Variants in AATF observed in about 807,000 individuals in gnomAD.
The protein encoded by AATF is protein AATF.
A neutral mutation model predicts 63.7 loss-of-function variants in AATF; 48 were observed. That is an observed-to-expected ratio of 0.75 (90% confidence interval 0.60 to 0.96). AATF has a LOEUF of 0.96. Ranked by LOEUF, AATF falls within the 40% of genes least tolerant of loss-of-function variation. The pLI, the probability that AATF is intolerant of heterozygous loss-of-function variation, is 0.00. For synonymous variants in AATF, 258 were observed against 247.7 expected (o/e 1.04, Z -0.39); for missense variants, 639 against 685.7 (o/e 0.93, Z 0.76).
chr17:36,953,103 T>G lies in AATF; in HGVS notation c.501T>G (p.Leu167=), dbSNP rs1567962584. ...AATTTACCAAGGGAATGGATGACCT[T>G]GGGAGCAGTGAGGAGGAGGAAGACG... is the stretch of plus-strand genomic sequence containing the variant. ...FEKFTKGMDD[L]GSSEEEEDEE... Residue 167 remains leucine, a synonymous_variant, in exon 3 of 12, where the codon CTT becomes CTG. Coordinates refer to ENST00000619387, the MANE Select transcript of AATF (RefSeq NM_012138.4). The G allele has an allele frequency of 6.2e-7, 1 of 1,614,020 alleles. No homozygotes were observed. The highest frequency in any genetic ancestry group is 1.1e-5 in the South Asian group (1 of 91,058).
chr17:36,953,702 C>A (rs2070875466), intron 3 of AATF, 68 bp from the exon 4 acceptor site: 2 of 1,511,554 alleles, frequency 1.3e-6, no homozygotes, highest in Non-Finnish European at 1.8e-6. Context: ...TGTTCTTCCC[C>A]ACCCCTGCCA....
At chr17:37,011,174 C>T (rs548571488) in intron 8 of AATF, among the ~76,000 whole-genome samples, 2 of 152,214 alleles carry the variant, frequency 1.3e-5, no homozygotes, top group South Asian at 4.1e-4. Context: ...AGTTCGAGAC[C>T]AGCCTGGCCA....
chr17:36,954,701 T>C (rs1381677251), intron 4 of AATF, among the ~76,000 whole-genome samples: 1 of 152,198 alleles, frequency 6.6e-6, no homozygotes, highest in East Asian at 1.9e-4. Context: ...ATTTTACACA[T>C]GAGAGAATTA....
intron 4 of AATF, among the ~76,000 whole-genome samples, chr17:36,961,301 C>G (rs2070945190): frequency 6.6e-6 from 1 of 152,078 alleles, no homozygotes; most frequent in Non-Finnish European, 1.5e-5. Flanking sequence ...CATATTTGTG[C>G]AGTTTGTCTA....
intron 11 of AATF, among the ~76,000 whole-genome samples, chr17:37,035,741 C>T (rs2071587118): frequency 6.6e-6 from 1 of 152,158 alleles, no homozygotes; most frequent in Non-Finnish European, 1.5e-5. Flanking sequence ...GCCACCATGC[C>T]TGGCCCTGTT....
intron 11 of AATF, chr17:37,056,316 T>G: frequency 2.5e-6 from 1 of 407,028 alleles, no homozygotes; most frequent in Non-Finnish European, 4.4e-6. Flanking sequence ...ATATTCAATC[T>G]TGTTTTCTTA....
chr17:36,953,448 C>T, intron 3 of AATF, 152 bp downstream of exon 3: 1 of 1,362,484 alleles, frequency 7.3e-7, no homozygotes, highest in Non-Finnish European at 9.8e-7. Flanking sequence ...AAGCCCTATT[C>T]CTGTATGCTT....
At chr17:36,975,798 C>T (rs554543716) in intron 4 of AATF, among the ~76,000 whole-genome samples, 3 of 152,280 alleles carry the variant, frequency 2.0e-5, no homozygotes, top group African/African-American at 7.2e-5. Flanking sequence ...GTGCCCCTTT[C>T]GGCACGTTTT....
intron 11 of AATF, among the ~76,000 whole-genome samples, chr17:37,049,614 AAAAAAAAGGG>A: frequency 6.6e-6 from 1 of 152,150 alleles, no homozygotes; most frequent in South Asian, 2.1e-4. Flanking sequence ...CAAAAAAAAA[AAAAAAAAGGG>A]AAAGCTGCTG....
intron 11 of AATF, among the ~76,000 whole-genome samples, chr17:37,044,610 A>G (rs2071673920): frequency 6.6e-6 from 1 of 152,094 alleles, no homozygotes; most frequent in Admixed American, 6.6e-5. Flanking sequence ...TGCTATTTAA[A>G]CCAGGTTTGG....
chr17:36,997,438 A>G (rs1280801886), intron 8 of AATF, among the ~76,000 whole-genome samples: 1 of 152,258 alleles, frequency 6.6e-6, no homozygotes, highest in East Asian at 1.9e-4. Context: ...AAATTCTCCA[A>G]AGAAGATATA....
chr17:37,007,140 A>G (rs991499450), intron 8 of AATF, among the ~76,000 whole-genome samples: 5 of 152,154 alleles, frequency 3.3e-5, no homozygotes, highest in African/African-American at 1.2e-4. Context: ...GCTGCTTTTC[A>G]TGCTTGTTGA....
In AATF at chr17:36,950,351, T is replaced by A; in HGVS notation, c.229T>A (p.Ser77Thr). 1.2e-6 allele frequency: 2 copies of A among 1,614,148 alleles called. No individual in the cohort carries two copies. The highest frequency in any genetic ancestry group is 1.7e-6 in the Non-Finnish European group (2 of 1,180,030). ...CAAAAGGTATTGCGGCAAAACCACC[T>A]CTAGAAAAGCATGGAATGAAGACCA... is the stretch of plus-strand genomic sequence containing the variant. ...TDKRYCGKTT[S>T]RKAWNEDHWE... The change falls in exon 2 of 12, where the codon TCT becomes ACT. Residue 77 changes from serine (S) to threonine (T), a missense_variant. Physicochemically the swap from Ser to Thr is moderately conservative, Grantham distance 58 (BLOSUM62 1). Coordinates refer to ENST00000619387, the MANE Select transcript of AATF (RefSeq NM_012138.4).
At chr17:37,024,732 G>T (rs1411275179) in intron 10 of AATF, among the ~76,000 whole-genome samples, 1 of 152,222 alleles carries the variant, frequency 6.6e-6, no homozygotes, top group African/African-American at 2.4e-5. Context: ...GCTGAGGCAG[G>T]TGGATGGCTT....
chr17:36,962,303 A>G (rs897967951), intron 4 of AATF, among the ~76,000 whole-genome samples: 2 of 152,206 alleles, frequency 1.3e-5, no homozygotes, highest in African/African-American at 4.8e-5. Flanking sequence ...TTAATTAGGC[A>G]TTTATATAAT....
intron 11 of AATF, among the ~76,000 whole-genome samples, chr17:37,038,967 A>G (rs2030330060): frequency 6.6e-6 from 1 of 152,186 alleles, no homozygotes; most frequent in Non-Finnish European, 1.5e-5. Context: ...TATAATAGAA[A>G]TTGTACAGGC....
At chr17:36,963,494 A>G (rs1212046481) in intron 4 of AATF, among the ~76,000 whole-genome samples, 1 of 152,204 alleles carries the variant, frequency 6.6e-6, no homozygotes, top group East Asian at 1.9e-4. Context: ...GGTTTTGTCA[A>G]AACTTGATTT....
At chr17:36,949,527 T>C (rs1362027439) in intron 1 of AATF, among the ~76,000 whole-genome samples, 1 of 152,240 alleles carries the variant, frequency 6.6e-6, no homozygotes, top group Non-Finnish European at 1.5e-5. Context: ...GCTAGCAAGT[T>C]GGAAGTTAGC....
intron 8 of AATF, among the ~76,000 whole-genome samples, chr17:37,009,667 A>G (rs904886887): frequency 6.8e-6 from 1 of 147,320 alleles, no homozygotes; most frequent in Non-Finnish European, 1.5e-5. Flanking sequence ...AATACAAAAA[A>G]TTAGCCGGGC....
Sources: gnomAD v4.1 joint callset for allele counts (sites outside exome capture counted in the v4.1 genomes callset) on GRCh38, gnomAD v4.1.1 for gene constraint, MANE v1.5 for transcripts, NCBI Gene and HGNC (gene_info 2026-07-23, HGNC 2026-07-21) for gene names.